The following RAB3IP variants were observed in gnomAD, a reference collection of about 807,000 sequenced individuals.
RAB3IP encodes RAB3A interacting protein, also known as rab-3A-interacting protein.
In RAB3IP, 36 loss-of-function variants were observed where a neutral mutation model predicts 59.1. The ratio of observed to expected loss-of-function variants is 0.61; its 90% CI spans 0.47 to 0.80. The LOEUF is 0.80. Among genes scored for constraint, RAB3IP ranks in the 30% least tolerant of loss-of-function variants. The pLI is 0.00. For synonymous variants in RAB3IP, 207 were observed against 191.2 expected, an observed-to-expected ratio of 1.08 and a Z score of -0.68; for missense variants, 511 against 536.0, an observed-to-expected ratio of 0.95 and a Z score of 0.46.
Position 69,800,681 on chromosome 12 carries a change from T to A in RAB3IP, c.1017+344T>A, listed in dbSNP as rs73332099. Among the ~76,000 whole-genome samples, 333 of 152,302 alleles carry A rather than the reference T, an allele frequency of 2.2e-3. 1 individual carries two copies. Among genetic ancestry groups the A allele is most frequent in the African/African-American group, 7.4e-3 (307 of 41,578 alleles). ...CACTCTGTTAAAGGCATTTGTTGTG[T>A]CTATCTGTACATGATTTAAAAATCT... On this transcript the variant is annotated intron_variant, in intron 7 of 10. Coordinates refer to ENST00000247833, the MANE Select transcript of RAB3IP (RefSeq NM_022456.5).
chr12:69,815,446 A>G lies in RAB3IP; in HGVS notation c.1383A>G (p.Ter461TrpextTer8). Residue 461 changes from the stop codon to tryptophan, a stop_lost, in exon 11 of 11, where the codon TGA becomes TGG. Coordinates refer to ENST00000247833, the MANE Select transcript of RAB3IP (RefSeq NM_022456.5). ...TGGGTTATTTCAAAGAGGAACTCTG[A>G]TGCTCTGCGTGGGACCATGCCTGAA... ...AKLGYFKEEL[*>W] 1.2e-6 allele frequency: 2 copies of G among 1,605,594 alleles called. No individual in the cohort carries two copies. The highest frequency in any genetic ancestry group is 8.5e-7 in the Non-Finnish European group (1 of 1,172,334).
intron 3 of RAB3IP, among the ~76,000 whole-genome samples, chr12:69,762,271 G>A (rs1586983): frequency 0.15 from 22,994 of 152,024 alleles, 2,613 homozygotes; most frequent in East Asian, 0.4. Context: ...GCTTTTAGTG[G>A]AATTCTCAGG....
chr12:69,782,131 C>G (rs4606524), intron 3 of RAB3IP, among the ~76,000 whole-genome samples: 16 of 152,126 alleles, frequency 1.1e-4, no homozygotes, highest in African/African-American at 3.6e-4. Flanking sequence ...TTTGGCCATT[C>G]TAGTAGGTAT....
chr12:69,811,776 T>C (rs986568630), intron 8 of RAB3IP, among the ~76,000 whole-genome samples: 17 of 152,344 alleles, frequency 1.1e-4, no homozygotes, highest in East Asian at 3.9e-4. Context: ...TCAAAAATTA[T>C]CCTGTTTCAA....
Position 69,738,882 on chromosome 12 carries a change from T to TCGG in RAB3IP, c.-170_-168dup, listed in dbSNP as rs1373952995. ...GGCGCAGGCGCAGTCCCGCGTTCCC[T>TCGG]CGGCGGCTGCCGGCGTAGTGAGCCC... On this transcript the variant is annotated 5_prime_UTR_variant, in exon 1 of 11. Transcript: ENST00000247833. 1 of 151,754 alleles carries TCGG rather than the reference T, an allele frequency of 6.6e-6. No individual in the cohort carries two copies. Among genetic ancestry groups the TCGG allele is most frequent in the Non-Finnish European group, 1.5e-5 (1 of 67,932 alleles). 9.4% of individuals were successfully genotyped at this position (151,754 alleles called of 1,614,324 possible).
chr12:69,784,867 G>A (rs1247688438), intron 4 of RAB3IP, 52 bp downstream of exon 4: 1 of 1,011,648 alleles, frequency 9.9e-7, no homozygotes, highest in Non-Finnish European at 1.5e-6. Flanking sequence ...TTTATATATT[G>A]ACAAAATTGT....
At chr12:69,755,730 GT>G in intron 2 of RAB3IP, 71 bp downstream of exon 2, 1 of 1,308,130 alleles carries the variant, frequency 7.6e-7, no homozygotes, top group Non-Finnish European at 1.1e-6. Context: ...TATATTTTAA[GT>G]TTTACTATTT....
chr12:69,771,268 T>A (rs1043536457), intron 3 of RAB3IP, among the ~76,000 whole-genome samples: 1 of 152,222 alleles, frequency 6.6e-6, no homozygotes, highest in Admixed American at 6.5e-5. Flanking sequence ...TAGTGGCTTA[T>A]GCCTGTAATC....
chr12:69,739,731 C>T, intron 1 of RAB3IP: 1 of 1,042,224 alleles, frequency 9.6e-7, no homozygotes, highest in East Asian at 2.4e-5. Context: ...GATTGCATGG[C>T]TCTGCCCTCC....
In RAB3IP at chr12:69,822,801, A is replaced by G. The variant is rs1037833503; in HGVS notation, c.*7355A>G. The G allele has an allele frequency of 2.0e-5, 3 of 152,210 alleles. No homozygotes were observed. Among genetic ancestry groups the G allele is most frequent in the African/African-American group, 4.8e-5 (2 of 41,452 alleles). The allele number at this position is 152,210 out of a possible 1,614,324, so 9.4% of individuals were successfully genotyped here. A position where few individuals can be genotyped will look rare whatever the true frequency, so the allele number is the denominator to read the frequency against. On this transcript the variant is annotated 3_prime_UTR_variant, in exon 11 of 11. Transcript: ENST00000247833. ...TACCCCATAAATATGTACAACTATT[A>G]TGTATCCATAAAAATTGGAAATAAA...
chr12:69,766,871 T>C (rs1164621645), intron 3 of RAB3IP, among the ~76,000 whole-genome samples: 3 of 152,216 alleles, frequency 2.0e-5, no homozygotes, highest in Non-Finnish European at 4.4e-5. Context: ...TTCTTTTATT[T>C]CCTGGATTGC....
chr12:69,738,426 C>T (rs969014124), upstream of RAB3IP: 1 of 152,264 alleles, frequency 6.6e-6, no homozygotes. Context: ...CCTCCCATCT[C>T]CCGCCACACA....
At chr12:69,739,526 A>G in intron 1 of RAB3IP, 1 of 416,276 alleles carries the variant, frequency 2.4e-6, no homozygotes, top group South Asian at 2.7e-5. Context: ...AGGGCTGTGG[A>G]CCTGGGGTGG....
intron 9 of RAB3IP, 33 bp downstream of exon 9, chr12:69,812,910 T>C: frequency 6.2e-7 from 1 of 1,604,310 alleles, no homozygotes; most frequent in Non-Finnish European, 8.5e-7. Context: ...TTAATAAAGC[T>C]TGCTTTGATA....
chr12:69,810,256 G>T (rs1191047409), intron 8 of RAB3IP, among the ~76,000 whole-genome samples: 1 of 152,156 alleles, frequency 6.6e-6, no homozygotes, highest in Non-Finnish European at 1.5e-5. Context: ...CGTTCCTCTG[G>T]AAGTTTTGTC....
chr12:69,794,773 A>C (rs1877179297), intron 5 of RAB3IP, among the ~76,000 whole-genome samples: 1 of 152,234 alleles, frequency 6.6e-6, no homozygotes, highest in African/African-American at 2.4e-5. Flanking sequence ...ATCACATTTT[A>C]ATGTTAATAC....
chr12:69,815,551 T>C lies in RAB3IP; in HGVS notation c.*105T>C. The C allele has an allele frequency of 1.2e-6, 1 of 802,742 alleles. No homozygotes were observed. The highest frequency in any genetic ancestry group is 2.0e-6 in the Non-Finnish European group (1 of 488,996). The allele number at this position is 802,742 out of a possible 1,614,324, so 49.7% of individuals were successfully genotyped here. ...TTCCAAGGAGTGAGCCTAAGACTTTTTTCCCCTTTTGCAAATTGCTCTAAG... is the reference window on the plus strand; with the variant it reads ...TTCCAAGGAGTGAGCCTAAGACTTTCTTCCCCTTTTGCAAATTGCTCTAAG... On this transcript the variant is annotated 3_prime_UTR_variant, in exon 11 of 11. Transcript: ENST00000247833.
At chr12:69,799,858 G>A (rs1878100851) in intron 6 of RAB3IP, among the ~76,000 whole-genome samples, 1 of 152,070 alleles carries the variant, frequency 6.6e-6, no homozygotes, top group Non-Finnish European at 1.5e-5. Flanking sequence ...GTCTTAAGAG[G>A]AACTCCAGCA....
intron 1 of RAB3IP, 83 bp from the exon 2 acceptor site, chr12:69,755,301 A>T: frequency 8.1e-7 from 1 of 1,227,040 alleles, no homozygotes; most frequent in South Asian, 1.5e-5. Flanking sequence ...GGACTGTTAA[A>T]CACATTTTAT....
Sources: gnomAD v4.1 joint callset for allele counts (sites outside exome capture counted in the v4.1 genomes callset) on GRCh38, gnomAD v4.1.1 for gene constraint, MANE v1.5 for transcripts, NCBI Gene and HGNC (gene_info 2026-07-23, HGNC 2026-07-21) for gene names.